The following RAB38 variants were observed in gnomAD, a reference collection of about 807,000 sequenced individuals.
The protein encoded by RAB38 is ras-related protein Rab-38.
A neutral mutation model predicts 18.4 loss-of-function variants in RAB38; 15 were observed. That is an observed-to-expected ratio of 0.82 (90% CI 0.55 to 1.26). The LOEUF (loss-of-function observed/expected upper bound fraction) is 1.26. Among genes scored for constraint, RAB38 ranks in the 50% most tolerant of loss-of-function variants. RAB38 has a pLI of 0.00. For synonymous variants in RAB38, 101 were observed against 104.4 expected (o/e 0.97, Z 0.20); for missense variants, 294 against 267.4 (o/e 1.10, Z -0.69).
chr11:88,063,764 C>A, the RAB38 span, among the ~76,000 whole-genome samples: 1 of 152,158 alleles, frequency 6.6e-6, no homozygotes, highest in Non-Finnish European at 1.5e-5. Context: ...TGCTCTCTTG[C>A]CTGCCATCAT....
chr11:87,941,209 T>TGAG, the RAB38 span, among the ~76,000 whole-genome samples: 1 of 43,202 alleles, frequency 2.3e-5, no homozygotes, highest in African/African-American at 1.1e-4. Context: ...TTTATAAATA[T>TGAG]ATGAGATATA....
the RAB38 span, among the ~76,000 whole-genome samples, chr11:87,846,241 A>G: frequency 6.6e-6 from 1 of 152,094 alleles, no homozygotes; most frequent in Non-Finnish European, 1.5e-5. Flanking sequence ...TCTAGATCCA[A>G]CTATACCAAT....
chr11:88,162,037 C>T (rs1265751185), intron 1 of RAB38, among the ~76,000 whole-genome samples: 1 of 152,010 alleles, frequency 6.6e-6, no homozygotes, highest in Non-Finnish European at 1.5e-5. Flanking sequence ...ACTATAATTG[C>T]TGCAATGGTC....
the RAB38 span, among the ~76,000 whole-genome samples, chr11:88,034,310 G>A: frequency 6.6e-6 from 1 of 152,182 alleles, no homozygotes; most frequent in South Asian, 2.1e-4. Flanking sequence ...TAAGTGTTAT[G>A]AATATTTATG....
chr11:88,092,380 GAGAGAGAGAGAGAGAGA>G, the RAB38 span, among the ~76,000 whole-genome samples: 161 of 30,818 alleles, frequency 5.2e-3, 29 homozygotes, highest in East Asian at 0.017. Context: ...GAGAGAGAGA[GAGAGAGAGAGAGAGAGA>G]GAGAGAGAGA....
chr11:87,894,779 A>G, the RAB38 span, among the ~76,000 whole-genome samples: 95 of 150,074 alleles, frequency 6.3e-4, 3 homozygotes, highest in East Asian at 0.019. Context: ...ATATGTACAC[A>G]TTATATATCA....
At chr11:87,950,515 G>A in the RAB38 span, among the ~76,000 whole-genome samples, 3 of 152,168 alleles carry the variant, frequency 2.0e-5, no homozygotes, top group African/African-American at 4.8e-5. Context: ...TTTTTGCAGT[G>A]GCTGGTACCA....
chr11:87,843,182 A>C, the RAB38 span, among the ~76,000 whole-genome samples: 11 of 152,186 alleles, frequency 7.2e-5, no homozygotes, highest in African/African-American at 2.7e-4. Flanking sequence ...GCTTATGTCT[A>C]CCTCTCTGAA....
At chr11:87,859,173 T>G in the RAB38 span, among the ~76,000 whole-genome samples, 1 of 151,686 alleles carries the variant, frequency 6.6e-6, no homozygotes, top group African/African-American at 2.4e-5. Context: ...AAATAAAATT[T>G]TAAAAATAGG....
At chr11:87,910,097 ACATT>A in the RAB38 span, among the ~76,000 whole-genome samples, 3 of 152,008 alleles carry the variant, frequency 2.0e-5, no homozygotes, top group Non-Finnish European at 4.4e-5. Flanking sequence ...TGAATTTTAG[ACATT>A]CTAATAGATG....
chr11:87,888,544 C>T, the RAB38 span, among the ~76,000 whole-genome samples: 3 of 151,880 alleles, frequency 2.0e-5, no homozygotes, highest in South Asian at 6.2e-4. Flanking sequence ...TGAAAGAATG[C>T]TGGAAATCAG....
the RAB38 span, among the ~76,000 whole-genome samples, chr11:88,026,346 G>A: frequency 0.44 from 67,119 of 151,072 alleles, 16,666 homozygotes; most frequent in Non-Finnish European, 0.56. Flanking sequence ...GGCGGATCAC[G>A]AGGTCAGGAG....
At chr11:88,122,818 C>T (rs1037993146) in intron 2 of RAB38, among the ~76,000 whole-genome samples, 1 of 152,168 alleles carries the variant, frequency 6.6e-6, no homozygotes, top group Non-Finnish European at 1.5e-5. Flanking sequence ...TTTATTCTGG[C>T]ACCTCTATGT....
chr11:87,977,358 G>A, the RAB38 span, among the ~76,000 whole-genome samples: 17 of 106,400 alleles, frequency 1.6e-4, no homozygotes, highest in African/African-American at 6.5e-4. Context: ...TATTATATAA[G>A]TATATTATAA....
chr11:88,006,119 C>A, the RAB38 span, among the ~76,000 whole-genome samples: 1 of 151,116 alleles, frequency 6.6e-6, no homozygotes. Flanking sequence ...TGCAAAGGAC[C>A]TGAATAGACA....
At chr11:87,877,001 A>G in the RAB38 span, among the ~76,000 whole-genome samples, 3 of 151,646 alleles carry the variant, frequency 2.0e-5, no homozygotes, top group Non-Finnish European at 3.0e-5. Context: ...CATTTTCACC[A>G]TCAACAAAAG....
chr11:88,037,024 C>G, the RAB38 span, among the ~76,000 whole-genome samples: 2 of 151,798 alleles, frequency 1.3e-5, no homozygotes. Context: ...TATTTTATTT[C>G]TATGCTTTGG....
the RAB38 span, among the ~76,000 whole-genome samples, chr11:88,026,951 T>C: frequency 1.3e-5 from 2 of 152,190 alleles, no homozygotes; most frequent in East Asian, 1.9e-4. Flanking sequence ...TGGATACTCA[T>C]TTTTCAGTTC....
At chr11:88,110,696 A>G (rs1942462111), downstream of RAB38, among the ~76,000 whole-genome samples, 1 of 151,822 alleles carries the variant, frequency 6.6e-6, no homozygotes, top group Non-Finnish European at 1.5e-5. Flanking sequence ...GCATGCCTGT[A>G]GTCATAGCTA....
Sources: allele counts gnomAD v4.1 joint callset (sites outside exome capture counted in the v4.1 genomes callset), GRCh38; gene constraint gnomAD v4.1.1; transcripts MANE v1.5; gene names NCBI Gene and HGNC (gene_info 2026-07-23, HGNC 2026-07-21).